The following MAP3K15 variants were observed in gnomAD, a reference collection of about 807,000 sequenced individuals.
MAP3K15 encodes mitogen-activated protein kinase kinase kinase 15.
Under a neutral mutation model 99.5 loss-of-function variants are expected in MAP3K15, and 124 were observed. That is an observed-to-expected ratio of 1.25 (90% CI 1.08 to 1.45). MAP3K15 has a LOEUF of 1.45. MAP3K15 is among the 40% of genes most tolerant of loss of function. MAP3K15 has a pLI of 0.00. For synonymous variants in MAP3K15, 494 were observed against 439.6 expected, an observed-to-expected ratio of 1.12 and a Z score of -1.55; for missense variants, 1,242 against 1,079.7, an observed-to-expected ratio of 1.15 and a Z score of -2.11.
chrX:19,425,955 C>T (rs190993545), intron 8 of MAP3K15, among the ~76,000 whole-genome samples: 51 of 110,530 alleles, frequency 4.6e-4, no homozygotes, highest in Non-Finnish European at 7.4e-4. Context: ...CCCATCTCTA[C>T]TAAAAATACA....
intron 18 of MAP3K15, among the ~76,000 whole-genome samples, chrX:19,383,552 A>C (rs2063474441): frequency 1.8e-5 from 2 of 112,148 alleles, no homozygotes; most frequent in Non-Finnish European, 1.9e-5. Context: ...CAACCCACAG[A>C]ATGGGAGAAA....
chrX:19,442,846 C>T (rs1039949130), intron 6 of MAP3K15, among the ~76,000 whole-genome samples: 18 of 105,279 alleles, frequency 1.7e-4, no homozygotes, highest in South Asian at 8.6e-4. Flanking sequence ...CCTCAGCCTC[C>T]CGAGTACCTG....
At chrX:19,459,657 C>T (rs1025936117) in intron 5 of MAP3K15, among the ~76,000 whole-genome samples, 12 of 112,050 alleles carry the variant, frequency 1.1e-4, no homozygotes, top group Non-Finnish European at 1.1e-4. Context: ...TAAGACCAGC[C>T]TGACCAACAT....
chrX:19,389,301 TAA>T (rs34025622), intron 18 of MAP3K15, among the ~76,000 whole-genome samples: 763 of 62,817 alleles, frequency 0.012, 6 homozygotes, highest in African/African-American at 0.037. Flanking sequence ...ATAAGGCTGC[TAA>T]AAAAAAAAAA....
intron 1 of MAP3K15, chrX:19,497,800 T>C (rs1374390019): frequency 2.7e-5 from 3 of 111,445 alleles, no homozygotes; most frequent in African/African-American, 9.8e-5. Context: ...TATTTTATTA[T>C]ATTCTGATTA....
intron 13 of MAP3K15, among the ~76,000 whole-genome samples, chrX:19,402,212 T>C (rs2063614195): frequency 9.1e-6 from 1 of 109,991 alleles, no homozygotes; most frequent in African/African-American, 3.3e-5. Flanking sequence ...GGAAGATTGC[T>C]TGAGACCGGG....
intron 19 of MAP3K15, among the ~76,000 whole-genome samples, chrX:19,378,489 G>C (rs2063436169): frequency 8.9e-6 from 1 of 112,137 alleles, no homozygotes; most frequent in African/African-American, 3.2e-5. Context: ...GAGAGAATGA[G>C]AACCAGCAAA....
rs1197047678 is a variant in MAP3K15 at position 19,360,659 on chromosome X, A to G, written c.*90T>C. 3 of 675,674 alleles carry G rather than the reference A, an allele frequency of 4.4e-6. No individual in the cohort carries two copies. Among genetic ancestry groups the G allele is most frequent in the Non-Finnish European group, 4.7e-6 (2 of 429,459 alleles). The allele number at this position is 675,674 out of a possible 1,213,427, so 55.7% of individuals were successfully genotyped here. On this transcript the variant is annotated 3_prime_UTR_variant, in exon 29 of 29. Transcript: ENST00000338883. Reference sequence around the variant, plus strand: ...GAACAATGGCATTTTTAAATATGTAAACACAGCGGAATTCGTGTATACACT... The same window carrying G: ...GAACAATGGCATTTTTAAATATGTAGACACAGCGGAATTCGTGTATACACT...
In MAP3K15 at chrX:19,431,625, A is replaced by G. The variant is rs1602304321; in HGVS notation, c.996-17T>C. On this transcript the variant is annotated splice_polypyrimidine_tract_variant and intron_variant, in intron 6 of 28. Coordinates refer to ENST00000338883, the MANE Select transcript of MAP3K15 (RefSeq NM_001001671.4). ...CTGTTTCTCCTGAAAGATAGATGTT[A>G]TAAGGTCACAAATGAATCAATCAAG... 2.5e-6 allele frequency: 3 copies of G among 1,182,029 alleles called. No individual in the cohort carries two copies. The highest frequency in any genetic ancestry group is 2.3e-6 in the Non-Finnish European group (2 of 882,975).
chrX:19,466,768 A>T (rs2064172491), intron 3 of MAP3K15: 1 of 111,744 alleles, frequency 8.9e-6, no homozygotes, highest in Non-Finnish European at 1.9e-5. Flanking sequence ...ACCTTTGAAG[A>T]AACATCATTT....
intron 1 of MAP3K15, among the ~76,000 whole-genome samples, chrX:19,499,537 C>A (rs889138554): frequency 8.9e-6 from 1 of 112,256 alleles, no homozygotes; most frequent in African/African-American, 3.2e-5. Flanking sequence ...TAGAAGCAAC[C>A]CAAACGTTCA....
intron 21 of MAP3K15, 48 bp from the exon 22 acceptor site, chrX:19,372,875 C>A: frequency 5.2e-6 from 6 of 1,148,837 alleles, no homozygotes; most frequent in Non-Finnish European, 5.9e-6. Flanking sequence ...GGGGCACTGT[C>A]CCTGGGAGTG....
At chrX:19,513,070 T>G (rs1261947445) in intron 1 of MAP3K15, among the ~76,000 whole-genome samples, 1 of 111,527 alleles carries the variant, frequency 9.0e-6, no homozygotes, top group Non-Finnish European at 1.9e-5. Context: ...TGAGAAATGA[T>G]TTACTCAAGA....
chrX:19,464,185 G>A (rs1304531371), intron 4 of MAP3K15, 28 bp downstream of exon 4: 34 of 1,155,020 alleles, frequency 2.9e-5, no homozygotes, highest in Non-Finnish European at 3.1e-5. Context: ...TGAGTCTCCA[G>A]GGGTTACTGG....
At chrX:19,428,245 C>T (rs2063848449) in intron 7 of MAP3K15, among the ~76,000 whole-genome samples, 1 of 111,854 alleles carries the variant, frequency 8.9e-6, no homozygotes, top group South Asian at 3.8e-4. Context: ...GAGCAGAAGA[C>T]GAAGCTTCAT....
intron 3 of MAP3K15, among the ~76,000 whole-genome samples, chrX:19,465,827 A>AGG (rs1024612123): frequency 2.3e-4 from 10 of 42,888 alleles, no homozygotes; most frequent in South Asian, 3.8e-3. Flanking sequence ...TCAGGTGTGT[A>AGG]GGGGTGTGTG....
At chrX:19,509,700 A>G (rs2064505004) in intron 1 of MAP3K15, among the ~76,000 whole-genome samples, 2 of 111,603 alleles carry the variant, frequency 1.8e-5, no homozygotes, top group South Asian at 7.5e-4. Context: ...AAGCAAGAGC[A>G]AACACATTCA....
chrX:19,479,473 C>T (rs73631338), intron 3 of MAP3K15, among the ~76,000 whole-genome samples: 6,367 of 111,369 alleles, frequency 0.057, 330 homozygotes, highest in African/African-American at 0.17. Flanking sequence ...ACTCCCCTTC[C>T]CCAGCAGCCA....
At chrX:19,413,069 A>T (rs1011659246) in intron 11 of MAP3K15, among the ~76,000 whole-genome samples, 4 of 107,804 alleles carry the variant, frequency 3.7e-5, no homozygotes, top group African/African-American at 1.4e-4. Flanking sequence ...CTAAGGTTTA[A>T]CTATAAAAAA....
Sources: gnomAD v4.1 joint callset for allele counts (sites outside exome capture counted in the v4.1 genomes callset) on GRCh38, gnomAD v4.1.1 for gene constraint, MANE v1.5 for transcripts, NCBI Gene and HGNC (gene_info 2026-07-23, HGNC 2026-07-21) for gene names.